The following KCNK10 variants were observed in gnomAD, a reference collection of about 807,000 sequenced individuals.
KCNK10 encodes potassium two pore domain channel subfamily K member 10.
KCNK10 carries 25 observed loss-of-function variants against 47.7 expected under a neutral mutation model. The ratio of observed to expected loss-of-function variants is 0.52; its 90% CI spans 0.38 to 0.73. The LOEUF is 0.73. KCNK10 is among the 30% of genes least tolerant of loss of function. KCNK10 has a pLI of 0.00. For synonymous variants in KCNK10, 303 were observed against 285.6 expected, an observed-to-expected ratio of 1.06 and a Z score of -0.61; for missense variants, 563 against 714.5, an observed-to-expected ratio of 0.79 and a Z score of 2.42.
In KCNK10 at chr14:88,227,382, A is replaced by T. The variant is rs1279677820; in HGVS notation, c.674T>A (p.Val225Asp). The T allele has an allele frequency of 1.9e-6, 3 of 1,609,294 alleles. No individual in the cohort carries two copies. In the African/African-American group the frequency reaches 4.0e-5, roughly 22 times the overall value. The change falls in exon 4 of 7, where the codon GTC (valine) becomes GAC (aspartate). Residue 225 changes from valine (V) to aspartate (D), a missense_variant. Val to Asp is a radical substitution (Grantham distance 152, BLOSUM62 -3). Transcript: ENST00000319231. ...FGKSIARVEK[V>D]FRKKQVSQTK... is the part of the protein sequence containing the mutation. Reference sequence around the variant, plus strand: ...ATATGACACAGTACTCACTCGAAAGACCTTCTCCACTCTTGCAATGCTTTT... The same window carrying T: ...ATATGACACAGTACTCACTCGAAAGTCCTTCTCCACTCTTGCAATGCTTTT...
chr14:88,185,294 C>T lies in KCNK10; in HGVS notation c.*241G>A, dbSNP rs891178192. ...TGCCCTTAACATGTACGGCCAGAACCGGCTACGTGCACGGACACTCTTGGT... is the reference window on the plus strand; with the variant it reads ...TGCCCTTAACATGTACGGCCAGAACTGGCTACGTGCACGGACACTCTTGGT... On this transcript the variant is annotated 3_prime_UTR_variant, in exon 7 of 7. Transcript: ENST00000319231. This position sits in a 1 kb window ranked among gnomAD's most constrained non-coding sequence, Gnocchi z 4.3. 36 of 524,638 alleles carry T rather than the reference C, an allele frequency of 6.9e-5. No individual in the cohort carries two copies. The highest frequency in any genetic ancestry group is 1.2e-4 in the Non-Finnish European group (36 of 305,528). The allele number at this position is 524,638 out of a possible 1,614,324, so 32.5% of individuals were successfully genotyped here.
chr14:88,204,130 G>C (rs986159837), intron 4 of KCNK10, among the ~76,000 whole-genome samples: 2 of 152,150 alleles, frequency 1.3e-5, no homozygotes, highest in African/African-American at 4.8e-5. Context: ...TCTTTGTGAT[G>C]AAAGAAAAAG....
In KCNK10 at chr14:88,184,420, G is replaced by T. The variant is rs572314206; in HGVS notation, c.*1115C>A. Reference sequence around the variant, plus strand: ...GCTGCAAGCAATAAAAACATTTCAAGCTTACTGTACAAGGGGTACATTTTC... The same window carrying T: ...GCTGCAAGCAATAAAAACATTTCAATCTTACTGTACAAGGGGTACATTTTC... On this transcript the variant is annotated 3_prime_UTR_variant, in exon 7 of 7. Transcript: ENST00000319231. 56 of 152,458 alleles carry T rather than the reference G, an allele frequency of 3.7e-4. No homozygotes were observed. Among genetic ancestry groups the T allele is most frequent in the African/African-American group, 1.3e-3 (56 of 41,574 alleles). The allele number at this position is 152,458 out of a possible 1,614,324, so 9.4% of individuals were successfully genotyped here. A position where few individuals can be genotyped will look rare whatever the true frequency, so the allele number is the denominator to read the frequency against.
intron 1 of KCNK10, among the ~76,000 whole-genome samples, chr14:88,280,032 C>A (rs889489837): frequency 2.0e-5 from 3 of 152,110 alleles, no homozygotes; most frequent in Admixed American, 1.3e-4. Context: ...CCAATTAAAC[C>A]TCTCCTTCCC....
chr14:88,263,404 C>T lies in KCNK10; in HGVS notation c.200G>A (p.Gly67Asp). 6.2e-7 allele frequency: 1 copy of T among 1,614,116 alleles called. No individual in the cohort carries two copies. Among genetic ancestry groups the T allele is most frequent in the Non-Finnish European group, 8.5e-7 (1 of 1,180,054 alleles). Residue 67 changes from glycine to aspartate, a missense_variant, in exon 2 of 7, where the codon GGC becomes GAC. Physicochemically the swap from Gly to Asp is moderately conservative, Grantham distance 94 (BLOSUM62 -1). Transcript: ENST00000319231. ...CTTCCACTTCATGACGGTCTGCAAGCCCCCTTGGGAGGTGCCTTCCATCCT... is the reference window on the plus strand; with the variant it reads ...CTTCCACTTCATGACGGTCTGCAAGTCCCCTTGGGAGGTGCCTTCCATCCT... ...VARMEGTSQG[G>D]LQTVMKWKTV...
At chr14:88,189,101 A>G (rs1884664248) in intron 5 of KCNK10, among the ~76,000 whole-genome samples, 1 of 152,212 alleles carries the variant, frequency 6.6e-6, no homozygotes, top group Admixed American at 6.5e-5. Flanking sequence ...ATGAGTGATT[A>G]CAGACTTTCC....
chr14:88,220,366 G>T (rs1334478081), intron 4 of KCNK10, among the ~76,000 whole-genome samples: 28 of 121,934 alleles, frequency 2.3e-4, no homozygotes, highest in Non-Finnish European at 3.5e-4. Context: ...GCAGTGAGCC[G>T]AGATCGTGCC....
intron 1 of KCNK10, among the ~76,000 whole-genome samples, chr14:88,316,511 T>C (rs773611129): frequency 5.3e-5 from 8 of 152,168 alleles, no homozygotes; most frequent in Non-Finnish European, 1.0e-4. Flanking sequence ...CCATGATTCT[T>C]ATGGAGAGAA....
intron 4 of KCNK10, among the ~76,000 whole-genome samples, chr14:88,211,174 TGAAAG>T (rs1885445781): frequency 6.6e-6 from 1 of 152,088 alleles, no homozygotes; most frequent in African/African-American, 2.4e-5. Context: ...TACTCAGCCT[TGAAAG>T]GAAGGAAATT....
In KCNK10 at chr14:88,186,203, G is replaced by T. The variant is rs1388189511; in HGVS notation, c.1012-48C>A. 2 of 1,522,256 alleles carry T rather than the reference G, an allele frequency of 1.3e-6. No homozygotes were observed. Among genetic ancestry groups the T allele is most frequent in the African/African-American group, 1.4e-5 (1 of 72,426 alleles). 94.3% of individuals were successfully genotyped at this position (1,522,256 alleles called of 1,614,324 possible). A position where few individuals can be genotyped will look rare whatever the true frequency, so the allele number is the denominator to read the frequency against. ...ACAATATGCTGACAAATGCCTCCCT[G>T]CCTTGGCCTCCCAGCACCCACAGCC... On this transcript the variant is annotated intron_variant, in intron 6 of 6. Coordinates refer to ENST00000319231, the MANE Select transcript of KCNK10 (RefSeq NM_138317.3). This position sits in a 1 kb window ranked among gnomAD's most constrained non-coding sequence, Gnocchi z 5.5.
chr14:88,289,551 C>G (rs767602993), intron 1 of KCNK10, among the ~76,000 whole-genome samples: 1 of 152,232 alleles, frequency 6.6e-6, no homozygotes, highest in Non-Finnish European at 1.5e-5. Context: ...CCCACTGGCC[C>G]TCATCATAGC....
At chr14:88,252,500 G>A (rs953250526) in intron 2 of KCNK10, among the ~76,000 whole-genome samples, 1 of 152,218 alleles carries the variant, frequency 6.6e-6, no homozygotes, top group Non-Finnish European at 1.5e-5. Context: ...TATGGGTCAT[G>A]CAAATTACCA....
intron 1 of KCNK10, among the ~76,000 whole-genome samples, chr14:88,287,713 G>GTC (rs1467846273): frequency 9.5e-6 from 1 of 104,798 alleles, no homozygotes; most frequent in African/African-American, 3.0e-5. Context: ...GTGTGTGTGT[G>GTC]TGTGTGTGTG....
intron 2 of KCNK10, among the ~76,000 whole-genome samples, chr14:88,256,183 T>C (rs1886950527): frequency 6.6e-6 from 1 of 152,214 alleles, no homozygotes; most frequent in African/African-American, 2.4e-5. Context: ...ATTAGCATCT[T>C]GTCTCTTTGT....
At chr14:88,229,235 C>A (rs977381129) in intron 3 of KCNK10, among the ~76,000 whole-genome samples, 1 of 152,102 alleles carries the variant, frequency 6.6e-6, no homozygotes, top group East Asian at 1.9e-4. Flanking sequence ...AAGTGCTACA[C>A]CCCCTTCCTC....
At chr14:88,195,155 T>TGC (rs1884872106) in intron 4 of KCNK10, among the ~76,000 whole-genome samples, 1 of 152,194 alleles carries the variant, frequency 6.6e-6, no homozygotes, top group South Asian at 2.1e-4. Context: ...AACTGTTCAC[T>TGC]GCTGCTGAAA....
chr14:88,298,230 A>T (rs535399443), intron 1 of KCNK10, among the ~76,000 whole-genome samples: 16 of 152,354 alleles, frequency 1.1e-4, no homozygotes, highest in African/African-American at 1.7e-4. Context: ...TACAAGTCAA[A>T]ATTAATATCG....
chr14:88,269,534 T>C (rs1398801844), intron 1 of KCNK10, among the ~76,000 whole-genome samples: 1 of 152,212 alleles, frequency 6.6e-6, no homozygotes, highest in African/African-American at 2.4e-5. Context: ...AATTCCTGGC[T>C]TGAGCTATCC....
intron 1 of KCNK10, among the ~76,000 whole-genome samples, chr14:88,287,054 C>T (rs1393942059): frequency 6.6e-6 from 1 of 152,144 alleles, no homozygotes; most frequent in Non-Finnish European, 1.5e-5. Flanking sequence ...AATAACTTTA[C>T]AAGCAAGGTA....
Sources: gnomAD v4.1 joint callset for allele counts (sites outside exome capture counted in the v4.1 genomes callset) on GRCh38, gnomAD v4.1.1 for gene constraint, Gnocchi (gnomAD v3.1) non-coding constraint, MANE v1.5 for transcripts, NCBI Gene and HGNC (gene_info 2026-07-23, HGNC 2026-07-21) for gene names.